Variants in TBX5 observed in about 807,000 individuals in gnomAD.
TBX5 encodes the protein T-box transcription factor TBX5.
A neutral mutation model predicts 51.1 loss-of-function variants in TBX5; 8 were observed. The observed-to-expected ratio is 0.16, with a 90% CI of 0.09 to 0.28. The LOEUF (loss-of-function observed/expected upper bound fraction) is 0.28, where lower values mean the gene tolerates loss of function less well. Among genes scored for constraint, TBX5 ranks in the 10% least tolerant of loss-of-function variants. The pLI is 1.00. For synonymous variants in TBX5, 302 were observed against 266.4 expected, an observed-to-expected ratio of 1.13 and a Z score of -1.30; for missense variants, 589 against 671.7, an observed-to-expected ratio of 0.88 and a Z score of 1.36.
At chr12:114,395,277 G>A (rs1871356003) in intron 5 of TBX5, among the ~76,000 whole-genome samples, 1 of 152,116 alleles carries the variant, frequency 6.6e-6, no homozygotes, top group South Asian at 2.1e-4. Context: ...TGGATTGACA[G>A]GTGGTGTAGG....
At position 114,355,566 on chromosome 12, in the gene TBX5, A is replaced by G. The variant is rs147339942; in HGVS notation, c.1523T>C (p.Val508Ala). 5.0e-6 allele frequency: 8 copies of G among 1,613,952 alleles called. No individual in the cohort carries two copies. Among genetic ancestry groups the G allele is most frequent in the African/African-American group, 1.3e-5 (1 of 74,874 alleles). Residue 508 changes from valine (V) to alanine (A), a missense_variant, in exon 9 of 9, where the codon GTT becomes GCT. Physicochemically the swap from Val to Ala is moderately conservative, Grantham distance 64. Transcript: ENST00000405440. Reference sequence around the variant, plus strand: ...GTCGCTCCACTCTGGCACCATGCCAACTCCGTGCACAGAGTGGTACTGATG... The same window carrying G: ...GTCGCTCCACTCTGGCACCATGCCAGCTCCGTGCACAGAGTGGTACTGATG... ...SPHQYHSVHG[V>A]GMVPEWSDNS is the part of the protein sequence containing the mutation.
intron 3 of TBX5, among the ~76,000 whole-genome samples, chr12:114,400,614 T>A (rs1593882431): frequency 2.0e-5 from 3 of 152,140 alleles, no homozygotes; most frequent in African/African-American, 7.2e-5. Context: ...TCGCAGTGTT[T>A]ATCAGCCTGA....
intron 3 of TBX5, 104 bp downstream of exon 3, chr12:114,401,722 C>T (rs1040971031): frequency 1.0e-6 from 1 of 989,444 alleles, no homozygotes; most frequent in African/African-American, 1.6e-5. Flanking sequence ...TATTCCCTCT[C>T]CTTTTGCCCC....
At chr12:114,393,104 G>A (rs1224754830) in intron 6 of TBX5, among the ~76,000 whole-genome samples, 1 of 152,154 alleles carries the variant, frequency 6.6e-6, no homozygotes, top group Non-Finnish European at 1.5e-5. Flanking sequence ...CTCAGTTGGG[G>A]TATTCTCTGC....
intron 8 of TBX5, among the ~76,000 whole-genome samples, chr12:114,363,706 C>A (rs566472561): frequency 1.3e-5 from 2 of 152,286 alleles, no homozygotes; most frequent in South Asian, 4.1e-4. Context: ...GTTCAAGAAC[C>A]ACTGGCAGTT....
At chr12:114,369,084 T>TTCTATTTAGA (rs1869716490) in intron 7 of TBX5, among the ~76,000 whole-genome samples, 1 of 152,194 alleles carries the variant, frequency 6.6e-6, no homozygotes, top group African/African-American at 2.4e-5. Context: ...TTGCCGACAA[T>TTCTATTTAGA]TCTATTTAGA....
rs16944184 is a variant in TBX5 at position 114,385,728 on chromosome 12, A to G, written c.664-161T>C. ...TCAACGGGACCCACCACTTCATTCA[A>G]GTGGAGGCTTTGAAAAATGTCCTCC... On this transcript the variant is annotated intron_variant, in intron 6 of 8. Transcript: ENST00000405440. Among the ~76,000 whole-genome samples the G allele has an allele frequency of 0.036, 5,505 of 152,198 alleles. 294 individuals are homozygous for G. Among genetic ancestry groups the G allele is most frequent in the African/African-American group, 0.12 (5,148 of 41,506 alleles).
chr12:114,387,207 G>A (rs1022067107), intron 6 of TBX5, among the ~76,000 whole-genome samples: 4 of 152,140 alleles, frequency 2.6e-5, no homozygotes, highest in African/African-American at 7.2e-5. Context: ...GTCTTTCCCA[G>A]TAGTATAGTT....
At chr12:114,382,176 C>T (rs745335350) in intron 7 of TBX5, among the ~76,000 whole-genome samples, 11 of 151,886 alleles carry the variant, frequency 7.2e-5, no homozygotes, top group South Asian at 2.1e-4. Flanking sequence ...TAGCTGGATG[C>T]GGTGCTGTGT....
Position 114,405,762 on chromosome 12 carries a change from C to T in TBX5, c.-173G>A. ...TACTGCTTACCCAGAATAGCGGCTA[C>T]TGCTGCCTACTAGGGCGCACCTACC... On this transcript the variant is annotated 5_prime_UTR_variant, in exon 1 of 9. Transcript: ENST00000405440. 1 of 985,560 alleles carries T rather than the reference C, an allele frequency of 1.0e-6. No individual in the cohort carries two copies. Among genetic ancestry groups the T allele is most frequent in the Non-Finnish European group, 1.2e-6 (1 of 830,022 alleles). 61.1% of individuals were successfully genotyped at this position (985,560 alleles called of 1,614,324 possible).
At chr12:114,372,981 TACACACACAC>T (rs56137685) in intron 7 of TBX5, among the ~76,000 whole-genome samples, 3,405 of 142,876 alleles carry the variant, frequency 0.024, 60 homozygotes, top group South Asian at 0.053. Flanking sequence ...TATATATACA[TACACACACAC>T]ACACACACAC....
At position 114,405,836 on chromosome 12, in the gene TBX5, C is replaced by T. The variant is rs1357722436; in HGVS notation, c.-247G>A. ...CCACCTCCAACACACACCTCCTCTGCTGTGCGCTTGCTCTCCCTAAATACT... is the reference window on the plus strand; with the variant it reads ...CCACCTCCAACACACACCTCCTCTGTTGTGCGCTTGCTCTCCCTAAATACT... On this transcript the variant is annotated 5_prime_UTR_variant, in exon 1 of 9. Coordinates refer to ENST00000405440, the MANE Select transcript of TBX5 (RefSeq NM_181486.4). 6 of 985,442 alleles carry T rather than the reference C, an allele frequency of 6.1e-6. No individual in the cohort carries two copies. Among genetic ancestry groups the T allele is most frequent in the Non-Finnish European group, 7.2e-6 (6 of 830,018 alleles). 61.0% of individuals were successfully genotyped at this position (985,442 alleles called of 1,614,324 possible). A position where few individuals can be genotyped will look rare whatever the true frequency, so the allele number is the denominator to read the frequency against.
intron 8 of TBX5, among the ~76,000 whole-genome samples, chr12:114,357,668 C>A (rs952696526): frequency 6.6e-6 from 1 of 152,214 alleles, no homozygotes; most frequent in Non-Finnish European, 1.5e-5. Flanking sequence ...CACAATAATA[C>A]CCTCAAAGTA....
chr12:114,361,930 G>A (rs1018770240), intron 8 of TBX5, among the ~76,000 whole-genome samples: 1 of 152,042 alleles, frequency 6.6e-6, no homozygotes, highest in Non-Finnish European at 1.5e-5. Flanking sequence ...AAGGTGAAAG[G>A]ATTTCTCCAG....
intron 6 of TBX5, among the ~76,000 whole-genome samples, chr12:114,392,359 CAT>C (rs998241939): frequency 1.3e-5 from 2 of 152,102 alleles, no homozygotes; most frequent in African/African-American, 2.4e-5. Flanking sequence ...TATATATACA[CAT>C]GAAGCTTATC....
chr12:114,358,445 G>T (rs1418420020), intron 8 of TBX5, among the ~76,000 whole-genome samples: 6 of 152,138 alleles, frequency 3.9e-5, no homozygotes, highest in Non-Finnish European at 8.8e-5. Context: ...CCCAAACCCA[G>T]GTAGAGTAGC....
At chr12:114,362,369 C>A (rs867645198) in intron 8 of TBX5, among the ~76,000 whole-genome samples, 3 of 152,290 alleles carry the variant, frequency 2.0e-5, no homozygotes, top group Admixed American at 6.5e-5. Context: ...TCTCACTGGT[C>A]CCTGCCTTCC....
At chr12:114,403,261 G>T (rs1593885481) in intron 2 of TBX5, among the ~76,000 whole-genome samples, 2 of 152,134 alleles carry the variant, frequency 1.3e-5, no homozygotes, top group East Asian at 3.9e-4. Flanking sequence ...TCTAGTCGGC[G>T]GCGCGGAGGA....
At position 114,385,566 on chromosome 12, in the gene TBX5, A is replaced by T. The variant is rs1318021626; in HGVS notation, c.665T>A (p.Ile222Asn). 1 of 1,613,790 alleles carries T rather than the reference A, an allele frequency of 6.2e-7. No homozygotes were observed. The highest frequency in any genetic ancestry group is 8.5e-7 in the Non-Finnish European group (1 of 1,179,798). The change falls in exon 7 of 9, where the codon ATC becomes AAC. Residue 222 changes from isoleucine to asparagine, a missense_variant and splice_region_variant. Physicochemically the swap from Ile to Asn is moderately radical, Grantham distance 149. Transcript: ENST00000405440. ...IAVTSYQNHK[I>N]TQLKIENNPF... ...ATTATTCTCAATCTTTAATTGCGTG[A>T]TCTGAAGGAAAGAGGAAGAGAGAAC...
Sources: gnomAD v4.1 joint callset for allele counts (sites outside exome capture counted in the v4.1 genomes callset) on GRCh38, gnomAD v4.1.1 for gene constraint, MANE v1.5 for transcripts, NCBI Gene and HGNC (gene_info 2026-07-23, HGNC 2026-07-21) for gene names.